SLC16A9: variants seen among roughly 807,000 people sequenced by gnomAD.
SLC16A9 encodes solute carrier family 16 member 9, also known as monocarboxylate transporter 9.
Under a neutral mutation model 44.3 loss-of-function variants are expected in SLC16A9, and 26 were observed. The ratio of observed to expected loss-of-function variants is 0.59; its 90% CI spans 0.43 to 0.81. The LOEUF (loss-of-function observed/expected upper bound fraction) is 0.81. Ranked by LOEUF, SLC16A9 falls within the 40% of genes least tolerant of loss-of-function variation. SLC16A9 has a pLI of 0.00. For synonymous variants in SLC16A9, 230 were observed against 225.1 expected (o/e 1.02, Z -0.19); for missense variants, 559 against 595.8 (o/e 0.94, Z 0.64).
chr10:59,674,901 C>A (rs1839826529), intron 2 of SLC16A9, among the ~76,000 whole-genome samples: 1 of 152,134 alleles, frequency 6.6e-6, no homozygotes, highest in Non-Finnish European at 1.5e-5. Flanking sequence ...CATGTACAAC[C>A]AAAGCCACTG....
At chr10:59,675,025 C>T (rs1208596828) in intron 2 of SLC16A9, among the ~76,000 whole-genome samples, 1 of 152,006 alleles carries the variant, frequency 6.6e-6, no homozygotes, top group Non-Finnish European at 1.5e-5. Context: ...AAAAAATGAA[C>T]AGAAATTCTC....
chr10:59,694,452 A>G (rs1840324501), intron 1 of SLC16A9, among the ~76,000 whole-genome samples: 1 of 152,138 alleles, frequency 6.6e-6, no homozygotes, highest in Non-Finnish European at 1.5e-5. Context: ...AGTGATTAAT[A>G]TATATAGAAA....
chr10:59,693,732 G>T (rs1840304323), intron 1 of SLC16A9, among the ~76,000 whole-genome samples: 1 of 151,026 alleles, frequency 6.6e-6, no homozygotes, highest in Non-Finnish European at 1.5e-5. Context: ...TCATTCTCCT[G>T]CCGCAGCCTC....
In SLC16A9 at chr10:59,654,342, A is replaced by G. The variant is rs1465693396; in HGVS notation, c.684T>C (p.Leu228=). 1 of 1,614,086 alleles carries G rather than the reference A, an allele frequency of 6.2e-7. No individual in the cohort carries two copies. The highest frequency in any genetic ancestry group is 1.7e-5 in the Admixed American group (1 of 60,018). The change falls in exon 5 of 6, where the codon CTT becomes CTC. Residue 228 remains leucine (L), a synonymous_variant. Coordinates refer to ENST00000395348, the MANE Select transcript of SLC16A9 (RefSeq NM_194298.3). The stretch of plus-strand genomic sequence containing the variant: ...TTTCCTCACTACTGTAGCTCTTGTC[A>G]AGAATGTTTATGTTTTCTTCCAGAT... ...GKNLEENINI[L]DKSYSSEEKC...
chr10:59,695,280 G>A (rs1173498388), intron 1 of SLC16A9, among the ~76,000 whole-genome samples: 1 of 152,002 alleles, frequency 6.6e-6, no homozygotes, highest in Admixed American at 6.6e-5. Context: ...AGCCATCAAG[G>A]AATTATACAC....
rs1839296563 is a variant in SLC16A9, at chr10:59,654,332, A to G, written c.694T>C (p.Tyr232His). Residue 232 changes from tyrosine (Y) to histidine (H), a missense_variant, in exon 5 of 6, where the codon TAC (tyrosine) becomes CAC (histidine). Physicochemically the swap from Tyr to His is moderately conservative, Grantham distance 83. Transcript: ENST00000395348. ...EENINILDKS[Y>H]SSEEKCRITL... ...ATCCTGCATTTTTCCTCACTACTGT[A>G]GCTCTTGTCAAGAATGTTTATGTTT... is the stretch of plus-strand genomic sequence containing the variant. The G allele has an allele frequency of 4.3e-6, 7 of 1,614,130 alleles. No individual in the cohort carries two copies. Among genetic ancestry groups the G allele is most frequent in the Non-Finnish European group, 5.1e-6 (6 of 1,180,030 alleles).
intron 1 of SLC16A9, among the ~76,000 whole-genome samples, chr10:59,703,654 T>A (rs1433550512): frequency 6.6e-6 from 1 of 152,196 alleles, no homozygotes; most frequent in African/African-American, 2.4e-5. Context: ...CTTAATGTGT[T>A]TCGTTTGGCG....
chr10:59,696,502 T>C (rs1208654509), intron 1 of SLC16A9, among the ~76,000 whole-genome samples: 1 of 152,080 alleles, frequency 6.6e-6, no homozygotes, highest in Admixed American at 6.5e-5. Context: ...AGTGCCGAGA[T>C]TGCAGCCTCT....
intron 1 of SLC16A9, among the ~76,000 whole-genome samples, chr10:59,707,284 G>GAAGGA (rs1840662518): frequency 9.8e-5 from 7 of 71,186 alleles, no homozygotes; most frequent in African/African-American, 4.2e-4. Flanking sequence ...GGAGGGAAGG[G>GAAGGA]AAGGGAAGGG....
intron 1 of SLC16A9, among the ~76,000 whole-genome samples, chr10:59,691,420 A>G (rs1388672922): frequency 1.3e-5 from 2 of 152,222 alleles, no homozygotes; most frequent in Non-Finnish European, 1.5e-5. Context: ...GAAGTTTCAC[A>G]GAATTAATTT....
intron 2 of SLC16A9, among the ~76,000 whole-genome samples, chr10:59,680,983 A>AAATAATAATAAT (rs67119717): frequency 0.092 from 13,603 of 147,808 alleles, 772 homozygotes; most frequent in Non-Finnish European, 0.12. Flanking sequence ...ACCCAATCTC[A>AAATAATAATAAT]AATAATAATA....
chr10:59,656,393 A>T (rs1352747618), intron 4 of SLC16A9, among the ~76,000 whole-genome samples: 2 of 152,240 alleles, frequency 1.3e-5, no homozygotes, highest in African/African-American at 4.8e-5. Flanking sequence ...ATATTTTCAC[A>T]CAGAACAAAT....
chr10:59,663,185 C>A (rs560520200), intron 4 of SLC16A9, among the ~76,000 whole-genome samples: 1 of 152,088 alleles, frequency 6.6e-6, no homozygotes, highest in South Asian at 2.1e-4. Flanking sequence ...CATGAAGAAA[C>A]CCCGTCTCTA....
At chr10:59,697,101 G>C in intron 1 of SLC16A9, among the ~76,000 whole-genome samples, 1 of 92,716 alleles carries the variant, frequency 1.1e-5, no homozygotes, top group East Asian at 6.7e-4. Context: ...CTGTCCGGGA[G>C]GGAGGTGGGG....
At chr10:59,688,836 C>A (rs1375061582) in intron 1 of SLC16A9, among the ~76,000 whole-genome samples, 1 of 151,358 alleles carries the variant, frequency 6.6e-6, no homozygotes, top group Non-Finnish European at 1.5e-5. Flanking sequence ...GACAAAGCAC[C>A]AGAATCATGA....
intron 1 of SLC16A9, among the ~76,000 whole-genome samples, chr10:59,699,277 C>A (rs535505638): frequency 3.3e-5 from 5 of 152,280 alleles, no homozygotes; most frequent in African/African-American, 1.2e-4. Context: ...GGAAAGGTAG[C>A]AGGAGAGAGG....
intron 1 of SLC16A9, among the ~76,000 whole-genome samples, chr10:59,688,923 C>T (rs972522630): frequency 6.6e-6 from 1 of 151,958 alleles, no homozygotes; most frequent in African/African-American, 2.4e-5. Context: ...AGTTTTCAAA[C>T]CTAAGTAGAC....
intron 3 of SLC16A9, among the ~76,000 whole-genome samples, chr10:59,667,410 G>C (rs1419448059): frequency 4.6e-5 from 7 of 152,170 alleles, no homozygotes; most frequent in African/African-American, 1.4e-4. Flanking sequence ...AGACATTAAA[G>C]AGATTTGCAA....
rs200058574 is a variant in SLC16A9, at chr10:59,703,713, AT to A, written c.-37+5765del. Among the ~76,000 whole-genome samples the A allele has an allele frequency of 3.3e-3, 471 of 142,480 alleles. 8 individuals are homozygous for A. The highest frequency in any genetic ancestry group is 0.021 in the East Asian group (101 of 4,876). The allele number at this position is 142,480 out of a possible 152,430, so 93.5% of individuals were successfully genotyped here. On this transcript the variant is annotated intron_variant, in intron 1 of 5. Coordinates refer to ENST00000395348, the MANE Select transcript of SLC16A9 (RefSeq NM_194298.3). ...TTTAGTAAATTTGAATGAATTGCTG[AT>A]TTTTTTTTTTCGTTTTTTTTTTGAG...
Sources: gnomAD v4.1 joint callset for allele counts (sites outside exome capture counted in the v4.1 genomes callset) on GRCh38, gnomAD v4.1.1 for gene constraint, MANE v1.5 for transcripts, NCBI Gene and HGNC (gene_info 2026-07-23, HGNC 2026-07-21) for gene names.